SGMS1: variants seen among roughly 807,000 people sequenced by gnomAD.
The protein encoded by SGMS1 is phosphatidylcholine:ceramide cholinephosphotransferase 1.
SGMS1 carries 13 observed loss-of-function variants against 46.2 expected under a neutral mutation model. The observed-to-expected ratio is 0.28, with a 90% confidence interval of 0.18 to 0.45. The LOEUF (loss-of-function observed/expected upper bound fraction) is 0.45, where lower values mean the gene tolerates loss of function less well. SGMS1 is among the 20% of genes least tolerant of loss of function. The pLI is 1.00. For missense variants in SGMS1, 324 were observed against 519.9 expected (o/e 0.62, Z 3.66); for synonymous variants, 203 against 187.8 (o/e 1.08, Z -0.66).
intron 3 of SGMS1, among the ~76,000 whole-genome samples, chr10:50,491,905 A>G (rs1172911337): frequency 6.6e-6 from 1 of 152,200 alleles, no homozygotes; most frequent in Non-Finnish European, 1.5e-5. Context: ...AAACATTGAT[A>G]CAAAAATCCT....
At chr10:50,346,509 T>C (rs1267406734) in intron 6 of SGMS1, among the ~76,000 whole-genome samples, 1 of 152,180 alleles carries the variant, frequency 6.6e-6, no homozygotes, top group Non-Finnish European at 1.5e-5. Flanking sequence ...TTAAAAAATA[T>C]ATAGCCAAAT....
At chr10:50,346,894 T>TG (rs141497550) in intron 6 of SGMS1, among the ~76,000 whole-genome samples, 2,244 of 151,972 alleles carry the variant, frequency 0.015, 59 homozygotes, top group African/African-American at 0.051. Flanking sequence ...GAGATTGGGG[T>TG]GGGGGGTCTC....
chr10:50,421,585 G>A, intron 6 of SGMS1, among the ~76,000 whole-genome samples: 1 of 152,230 alleles, frequency 6.6e-6, no homozygotes, highest in Admixed American at 6.5e-5. Context: ...AGTCACAACA[G>A]GACCTCCTGG....
intron 6 of SGMS1, among the ~76,000 whole-genome samples, chr10:50,413,730 A>C (rs1265870543): frequency 2.0e-5 from 3 of 152,228 alleles, no homozygotes; most frequent in Non-Finnish European, 2.9e-5. Context: ...AGAACCATTG[A>C]GTTAAGCTAA....
intron 1 of SGMS1, among the ~76,000 whole-genome samples, chr10:50,601,727 C>T (rs1435147311): frequency 1.3e-5 from 2 of 152,112 alleles, no homozygotes; most frequent in African/African-American, 2.4e-5. Flanking sequence ...GGTTGGATAC[C>T]CTCTTTCCAG....
At chr10:50,442,967 G>A (rs144059936) in intron 5 of SGMS1, among the ~76,000 whole-genome samples, 123 of 152,180 alleles carry the variant, frequency 8.1e-4, no homozygotes, top group African/African-American at 2.8e-3. Context: ...GATAATTTGA[G>A]CTTCCTGCTT....
chr10:50,597,778 C>T (rs183757039), intron 1 of SGMS1, among the ~76,000 whole-genome samples: 237 of 151,988 alleles, frequency 1.6e-3, no homozygotes, highest in African/African-American at 4.5e-3. Flanking sequence ...TTTGGGAGGC[C>T]GAGGCAGGTG....
chr10:50,333,642 C>T (rs2133331892), intron 7 of SGMS1, among the ~76,000 whole-genome samples: 1 of 152,182 alleles, frequency 6.6e-6, no homozygotes, highest in African/African-American at 2.4e-5. Flanking sequence ...TAATTCAGTA[C>T]TTTAGGAGAG....
chr10:50,377,974 A>C (rs1848544288), intron 6 of SGMS1, among the ~76,000 whole-genome samples: 1 of 152,178 alleles, frequency 6.6e-6, no homozygotes, highest in Non-Finnish European at 1.5e-5. Flanking sequence ...ATGCAGGATA[A>C]GCTCCTCTTC....
intron 6 of SGMS1, among the ~76,000 whole-genome samples, chr10:50,425,343 C>T (rs1849311380): frequency 6.6e-6 from 1 of 152,174 alleles, no homozygotes; most frequent in African/African-American, 2.4e-5. Context: ...AGGGAATCAA[C>T]CTAGGTGCCC....
At position 50,343,996 on chromosome 10, in the gene SGMS1, G is replaced by C; in HGVS notation, c.119C>G (p.Thr40Ser). ...GGGGGGTTTTTTGAAATCCTCTTGG[G>C]TTAGGTTGATCAAGTCCTGGCCTGT... ...HFTGQDLINL[T>S]QEDFKKPPLC... Residue 40 changes from threonine to serine, a missense_variant, in exon 7 of 11, where the codon ACC becomes AGC. By Grantham distance (58) the Thr-to-Ser change is moderately conservative. Transcript: ENST00000361781. The C allele has an allele frequency of 6.2e-7, 1 of 1,614,148 alleles. No homozygotes were observed. Among genetic ancestry groups the C allele is most frequent in the East Asian group, 2.2e-5 (1 of 44,882 alleles).
chr10:50,322,904 T>C (rs1343744993), intron 8 of SGMS1, among the ~76,000 whole-genome samples: 1 of 151,184 alleles, frequency 6.6e-6, no homozygotes, highest in African/African-American at 2.4e-5. Flanking sequence ...ACACGGTCTT[T>C]GGAGCTATGA....
chr10:50,353,522 C>T (rs1848064197), intron 6 of SGMS1, among the ~76,000 whole-genome samples: 1 of 152,294 alleles, frequency 6.6e-6, no homozygotes, highest in South Asian at 2.1e-4. Flanking sequence ...CCTTTGAAAA[C>T]TGGCACAAGA....
intron 6 of SGMS1, among the ~76,000 whole-genome samples, chr10:50,428,202 T>C (rs1415237280): frequency 6.6e-6 from 1 of 152,082 alleles, no homozygotes; most frequent in Non-Finnish European, 1.5e-5. Flanking sequence ...TGGAGTCCAC[T>C]CCATGTCCTC....
intron 5 of SGMS1, among the ~76,000 whole-genome samples, chr10:50,450,365 C>G (rs1001116930): frequency 6.6e-6 from 1 of 152,048 alleles, no homozygotes. Context: ...CTGAAACAGA[C>G]AAGAAAGTCA....
At chr10:50,418,751 T>A (rs1310189791) in intron 6 of SGMS1, among the ~76,000 whole-genome samples, 1 of 152,158 alleles carries the variant, frequency 6.6e-6, no homozygotes, top group Non-Finnish European at 1.5e-5. Context: ...TGCAAAGAGG[T>A]GGGACCTGGT....
intron 7 of SGMS1, among the ~76,000 whole-genome samples, chr10:50,337,407 G>A (rs1402303393): frequency 3.3e-5 from 5 of 151,954 alleles, no homozygotes; most frequent in Admixed American, 6.6e-5. Context: ...AGGTTCTTCC[G>A]GAACTCAGAA....
At chr10:50,549,531 G>A (rs551624600) in intron 2 of SGMS1, among the ~76,000 whole-genome samples, 50 of 152,196 alleles carry the variant, frequency 3.3e-4, no homozygotes, top group African/African-American at 1.1e-3. Flanking sequence ...CACATATTGG[G>A]GCCTGCCAGA....
chr10:50,545,044 A>G (rs1838088209), intron 2 of SGMS1, among the ~76,000 whole-genome samples: 1 of 152,180 alleles, frequency 6.6e-6, no homozygotes, highest in African/African-American at 2.4e-5. Flanking sequence ...AAATGGTAGC[A>G]CGTGTACAAT....
Sources: gnomAD v4.1 joint callset for allele counts (sites outside exome capture counted in the v4.1 genomes callset) on GRCh38, gnomAD v4.1.1 for gene constraint, MANE v1.5 for transcripts, NCBI Gene and HGNC (gene_info 2026-07-23, HGNC 2026-07-21) for gene names.